The following SATB2 variants were observed in gnomAD, a reference collection of about 807,000 sequenced individuals.
SATB2 encodes DNA-binding protein SATB2.
A neutral mutation model predicts 73.4 loss-of-function variants in SATB2; 1 was observed. The observed-to-expected ratio is 0.01, with a 90% CI of 0.00 to 0.06. The LOEUF (loss-of-function observed/expected upper bound fraction) is 0.06. Ranked by LOEUF, SATB2 falls within the 10% of genes least tolerant of loss-of-function variation. SATB2 has a pLI of 1.00. For synonymous variants in SATB2, 397 were observed against 367.0 expected (o/e 1.08, Z -0.93); for missense variants, 459 against 945.8 (o/e 0.49, Z 6.75).
chr2:199,339,542 GT>G (rs776916548), intron 7 of SATB2, among the ~76,000 whole-genome samples: 10 of 152,112 alleles, frequency 6.6e-5, no homozygotes, highest in Non-Finnish European at 1.3e-4. Context: ...ATCTTTCAGT[GT>G]GTGGACTTCC....
chr2:199,448,556 C>A (rs1274400470), intron 2 of SATB2, among the ~76,000 whole-genome samples: 3 of 152,106 alleles, frequency 2.0e-5, no homozygotes, highest in African/African-American at 7.2e-5. Context: ...TACGACAAAC[C>A]CCTGCAAATC....
Position 199,276,526 on chromosome 2 carries a change from T to C in SATB2, c.1741-3854A>G, listed in dbSNP as rs1030502395. 1.6e-4 allele frequency among the ~76,000 whole-genome samples: 24 copies of C among 152,276 alleles called. 1 individual carries two copies. Among genetic ancestry groups the C allele is most frequent in the Admixed American group, 1.6e-3 (24 of 15,290 alleles). On this transcript the variant is annotated intron_variant, in intron 10 of 10. Transcript: ENST00000417098. Reference sequence around the variant, plus strand: ...ATAAGCGGTTTCATTCCTAGGCTCATTTGACAGTTTGGGCATAATTTTTTT... The same window carrying C: ...ATAAGCGGTTTCATTCCTAGGCTCACTTGACAGTTTGGGCATAATTTTTTT...
intron 6 of SATB2, among the ~76,000 whole-genome samples, chr2:199,367,393 C>T (rs1463318505): frequency 1.3e-5 from 2 of 152,034 alleles, no homozygotes; most frequent in East Asian, 3.9e-4. Flanking sequence ...TTTGGCTTGC[C>T]TTATAAAACA....
intron 9 of SATB2, among the ~76,000 whole-genome samples, chr2:199,323,247 T>G (rs894838864): frequency 6.6e-5 from 10 of 152,106 alleles, no homozygotes; most frequent in Non-Finnish European, 1.3e-4. Flanking sequence ...TGTTAAAAGA[T>G]TTTAGCACTT....
chr2:199,279,880 C>A (rs1692429455), intron 10 of SATB2, among the ~76,000 whole-genome samples: 2 of 152,202 alleles, frequency 1.3e-5, no homozygotes, highest in African/African-American at 4.8e-5. Context: ...GTAGATGATG[C>A]CTATAATCCC....
At position 199,309,049 on chromosome 2, in the gene SATB2, T is replaced by C. The variant is rs955559921; in HGVS notation, c.1543-92A>G. ...CGGTCCAGTGCCATCACAGTACATC[T>C]TTTTCTGTCAAAATTGTTCCTGCCA... On this transcript the variant is annotated intron_variant, in intron 9 of 10. Transcript: ENST00000417098. 6.5e-5 allele frequency: 69 copies of C among 1,058,290 alleles called. 1 individual carries two copies. Among genetic ancestry groups the C allele is most frequent in the Non-Finnish European group, 9.1e-5 (63 of 695,102 alleles). 65.6% of individuals were successfully genotyped at this position (1,058,290 alleles called of 1,614,324 possible).
chr2:199,385,770 C>T (rs941617618), intron 3 of SATB2, among the ~76,000 whole-genome samples: 2 of 152,138 alleles, frequency 1.3e-5, no homozygotes, highest in African/African-American at 4.8e-5. Context: ...GCCGTGAATG[C>T]CTGACTCAGT....
chr2:199,402,150 G>A (rs1194116844), intron 3 of SATB2, among the ~76,000 whole-genome samples: 2 of 152,120 alleles, frequency 1.3e-5, no homozygotes, highest in African/African-American at 2.4e-5. Context: ...ACTTTGGGAG[G>A]CCGAGGCGGG....
upstream of SATB2, among the ~76,000 whole-genome samples, chr2:199,467,234 G>T (rs75806828): frequency 7.0e-4 from 106 of 152,394 alleles, no homozygotes; most frequent in East Asian, 0.019. Context: ...AAGGAGCCAG[G>T]TGGATAACTT....
chr2:199,361,366 A>G (rs2105840775), intron 6 of SATB2, among the ~76,000 whole-genome samples: 1 of 151,768 alleles, frequency 6.6e-6, no homozygotes, highest in Admixed American at 6.6e-5. Context: ...CCTCTGCTTG[A>G]ACCTCTTGCA....
At chr2:199,450,043 G>A (rs1382243746) in intron 2 of SATB2, among the ~76,000 whole-genome samples, 1 of 152,004 alleles carries the variant, frequency 6.6e-6, no homozygotes, top group Non-Finnish European at 1.5e-5. Flanking sequence ...AAAATGTATG[G>A]GTTAGATCCA....
chr2:199,292,798 A>G (rs1559145888), intron 10 of SATB2, among the ~76,000 whole-genome samples: 1 of 152,194 alleles, frequency 6.6e-6, no homozygotes, highest in African/African-American at 2.4e-5. Context: ...ATAGAGAAAA[A>G]GCACTTTAAT....
rs552517924 is a variant in SATB2 at position 199,439,378 on chromosome 2, C to A, written c.170-5864G>T. 5.3e-5 allele frequency among the ~76,000 whole-genome samples: 8 copies of A among 152,342 alleles called. No individual in the cohort carries two copies. The South Asian group carries it at 1.5e-3, about 28-fold the overall frequency. On this transcript the variant is annotated intron_variant, in intron 2 of 10. Coordinates refer to ENST00000417098, the MANE Select transcript of SATB2 (RefSeq NM_001172509.2). ...CTGTCTCTTGAAGGAAGGCAGCAGA[C>A]AGGGCCCACTCCCTTCCCTGGAGCC... is the stretch of plus-strand genomic sequence containing the variant.
At chr2:199,461,065 A>G (rs1056969477), upstream of SATB2, among the ~76,000 whole-genome samples, 8 of 152,238 alleles carry the variant, frequency 5.3e-5, no homozygotes, top group African/African-American at 1.9e-4. Flanking sequence ...ACTTAGAGGA[A>G]AATGTCAAAT....
intron 2 of SATB2, among the ~76,000 whole-genome samples, chr2:199,433,967 T>A: frequency 6.6e-6 from 1 of 152,052 alleles, no homozygotes; most frequent in Non-Finnish European, 1.5e-5. Context: ...TACTTTTACG[T>A]GTAAAAGTAA....
At chr2:199,470,893 A>C (rs1007097377) in intron 1 of SATB2, 1 of 152,346 alleles carries the variant, frequency 6.6e-6, no homozygotes, top group African/African-American at 2.4e-5. Flanking sequence ...CCCACTTTGA[A>C]ACTAATTCGC....
intron 5 of SATB2, among the ~76,000 whole-genome samples, chr2:199,375,091 T>A (rs191062558): frequency 5.9e-5 from 9 of 152,234 alleles, no homozygotes; most frequent in African/African-American, 2.2e-4. Flanking sequence ...CTTATTTAAA[T>A]GGGTCAAAAC....
chr2:199,413,278 G>A (rs1280506199), intron 3 of SATB2, among the ~76,000 whole-genome samples: 1 of 152,156 alleles, frequency 6.6e-6, no homozygotes, highest in Non-Finnish European at 1.5e-5. Flanking sequence ...TTATAGATAA[G>A]AAAACTGAGG....
At chr2:199,342,838 T>C (rs1688546088) in intron 7 of SATB2, among the ~76,000 whole-genome samples, 1 of 152,214 alleles carries the variant, frequency 6.6e-6, no homozygotes, top group African/African-American at 2.4e-5. Context: ...AAAAGACATA[T>C]TTATTAAAAT....
Sources: gnomAD v4.1 joint callset for allele counts (sites outside exome capture counted in the v4.1 genomes callset) on GRCh38, gnomAD v4.1.1 for gene constraint, MANE v1.5 for transcripts, NCBI Gene and HGNC (gene_info 2026-07-23, HGNC 2026-07-21) for gene names.